The following PDE10A variants were observed in gnomAD, a reference collection of about 807,000 sequenced individuals.
PDE10A encodes the protein phosphodiesterase 10A, also known as cAMP and cAMP-inhibited cGMP 3',5'-cyclic phosphodiesterase 10A.
Under a neutral mutation model 97.7 loss-of-function variants are expected in PDE10A, and 39 were observed. The ratio of observed to expected loss-of-function variants is 0.40; its 90% CI spans 0.31 to 0.52. The LOEUF is 0.52. Among genes scored for constraint, PDE10A ranks in the 20% least tolerant of loss-of-function variants. The probability of loss-of-function intolerance (pLI) is 0.56; values close to 1 mark genes in which losing one functional copy is unlikely to be tolerated. For synonymous variants in PDE10A, 371 were observed against 376.8 expected, an observed-to-expected ratio of 0.98 and a Z score of 0.18; for missense variants, 731 against 1,047.8, an observed-to-expected ratio of 0.70 and a Z score of 4.17.
chr6:165,721,144 A>G (rs1278096665), intron 1 of PDE10A, among the ~76,000 whole-genome samples: 1 of 152,216 alleles, frequency 6.6e-6, no homozygotes, highest in Non-Finnish European at 1.5e-5. Context: ...TGGTATTCAA[A>G]AGATAAAATG....
At chr6:165,951,772 G>A (rs908493087) in intron 1 of PDE10A, among the ~76,000 whole-genome samples, 3 of 152,028 alleles carry the variant, frequency 2.0e-5, no homozygotes, top group African/African-American at 7.3e-5. Flanking sequence ...ATCCAGGTGC[G>A]GGCACATCTT....
At chr6:165,460,025 C>A (rs1778226698) in intron 3 of PDE10A, among the ~76,000 whole-genome samples, 1 of 152,240 alleles carries the variant, frequency 6.6e-6, no homozygotes, top group Non-Finnish European at 1.5e-5. Context: ...TGGGAAATGC[C>A]ATGAGGGACC....
chr6:165,642,448 C>T (rs1482939176), intron 1 of PDE10A, among the ~76,000 whole-genome samples: 1 of 152,122 alleles, frequency 6.6e-6, no homozygotes, highest in Non-Finnish European at 1.5e-5. Context: ...GCCACATTAA[C>T]GTGGAATTAA....
chr6:165,554,669 C>T (rs926453646), intron 1 of PDE10A, among the ~76,000 whole-genome samples: 2 of 152,212 alleles, frequency 1.3e-5, no homozygotes, highest in African/African-American at 4.8e-5. Flanking sequence ...TGGGTATATA[C>T]CCAAAAGAAA....
At chr6:165,668,974 C>T (rs2128435596) in intron 1 of PDE10A, among the ~76,000 whole-genome samples, 1 of 152,296 alleles carries the variant, frequency 6.6e-6, no homozygotes, top group Non-Finnish European at 1.5e-5. Context: ...AGGGATCAGG[C>T]CTCCTCAGCC....
At chr6:165,461,739 T>C (rs1387325699) in intron 3 of PDE10A, among the ~76,000 whole-genome samples, 1 of 152,260 alleles carries the variant, frequency 6.6e-6, no homozygotes, top group African/African-American at 2.4e-5. Flanking sequence ...ACCTAGTTGC[T>C]AATGCAATAT....
intron 5 of PDE10A, among the ~76,000 whole-genome samples, chr6:165,441,333 T>G (rs1267190256): frequency 6.6e-6 from 1 of 152,232 alleles, no homozygotes; most frequent in Admixed American, 6.5e-5. Context: ...TCTCCCCTAC[T>G]GCTTATACAT....
At chr6:165,886,109 TA>T (rs1171067425) in intron 1 of PDE10A, among the ~76,000 whole-genome samples, 1 of 152,208 alleles carries the variant, frequency 6.6e-6, no homozygotes, top group Non-Finnish European at 1.5e-5. Context: ...CAAAACATTC[TA>T]AAAATGTTAG....
intron 1 of PDE10A, among the ~76,000 whole-genome samples, chr6:165,595,643 A>T (rs1261313484): frequency 6.6e-6 from 1 of 152,196 alleles, no homozygotes; most frequent in Non-Finnish European, 1.5e-5. Flanking sequence ...GGCTGTAACA[A>T]AACACCTTAG....
At chr6:165,611,886 G>T (rs1271820600) in intron 1 of PDE10A, among the ~76,000 whole-genome samples, 3 of 152,198 alleles carry the variant, frequency 2.0e-5, no homozygotes, top group African/African-American at 7.2e-5. Flanking sequence ...AATTTGAAAA[G>T]TATACTGTCA....
At chr6:165,465,288 A>G (rs73245701) in intron 3 of PDE10A, among the ~76,000 whole-genome samples, 1,659 of 152,354 alleles carry the variant, frequency 0.011, 24 homozygotes, top group African/African-American at 0.038. Context: ...GCTTGGGGGT[A>G]ACACAGAGGA....
intron 1 of PDE10A, among the ~76,000 whole-genome samples, chr6:165,614,920 A>G (rs1346642357): frequency 6.6e-6 from 1 of 152,130 alleles, no homozygotes; most frequent in Non-Finnish European, 1.5e-5. Context: ...ATAGAAATAC[A>G]TGTAAAATAG....
intron 1 of PDE10A, among the ~76,000 whole-genome samples, chr6:165,559,464 T>A (rs2128336515): frequency 6.6e-6 from 1 of 152,316 alleles, no homozygotes; most frequent in African/African-American, 2.4e-5. Context: ...TAAAAGAAAA[T>A]TACATACTGT....
chr6:165,661,989 C>T lies in PDE10A; in HGVS notation c.823G>A (p.Ala275Thr). Residue 275 changes from alanine to threonine, a missense_variant, in exon 1 of 22, where the codon GCG (alanine) becomes ACG (threonine). Ala to Thr is a moderately conservative substitution (Grantham distance 58, BLOSUM62 0). Transcript: ENST00000539869. This position sits in a 1 kb window ranked among gnomAD's most constrained non-coding sequence, Gnocchi z 4.8. ...SDMEDGPSNNASCFRRLTECF... is the reference protein window; with the variant it reads ...SDMEDGPSNNTSCFRRLTECF... ...TCGGTCAGCCTTCGGAAGCAGCTCGCATTATTAGAAGGTCCATCTTCCATG... is the reference window on the plus strand; with the variant it reads ...TCGGTCAGCCTTCGGAAGCAGCTCGTATTATTAGAAGGTCCATCTTCCATG... 7.3e-7 allele frequency: 1 copy of T among 1,372,540 alleles called. No individual in the cohort carries two copies. Among genetic ancestry groups the T allele is most frequent in the South Asian group, 1.3e-5 (1 of 78,846 alleles). The allele number at this position is 1,372,540 out of a possible 1,614,324, so 85.0% of individuals were successfully genotyped here.
Position 165,375,265 on chromosome 6 carries a change from G to A in PDE10A, c.2783+3929C>T, listed in dbSNP as rs1784544226. ...AAAGCAAGGACTCTTGGGCCAAACA[G>A]CCAAGTTGTGAATGGAAAGAAAAAA... On this transcript the variant is annotated intron_variant, in intron 18 of 21. Coordinates refer to ENST00000539869, the MANE Select transcript of PDE10A (RefSeq NM_001385079.1). 2.0e-5 allele frequency among the ~76,000 whole-genome samples: 3 copies of A among 152,162 alleles called. No homozygotes were observed. In the South Asian group the frequency reaches 6.2e-4, roughly 31 times the overall value.
chr6:165,509,673 C>T (rs895767946), intron 2 of PDE10A, among the ~76,000 whole-genome samples: 1 of 151,566 alleles, frequency 6.6e-6, no homozygotes, highest in African/African-American at 2.4e-5. Flanking sequence ...ACAACATGCT[C>T]ATTTTATTAA....
At chr6:165,788,628 T>A (rs1463301432) in intron 1 of PDE10A, among the ~76,000 whole-genome samples, 4 of 151,962 alleles carry the variant, frequency 2.6e-5, no homozygotes, top group Admixed American at 1.3e-4. Flanking sequence ...TTTCAGGGGA[T>A]ATTTAATCTA....
At chr6:165,407,805 T>G (rs748979787) in intron 13 of PDE10A, among the ~76,000 whole-genome samples, 2 of 152,260 alleles carry the variant, frequency 1.3e-5, no homozygotes, top group Non-Finnish European at 2.9e-5. Context: ...TTAAATGGTT[T>G]CTTTAAAATC....
At chr6:165,742,930 T>C (rs75857391) in intron 1 of PDE10A, among the ~76,000 whole-genome samples, 1,789 of 152,292 alleles carry the variant, frequency 0.012, 17 homozygotes, top group Non-Finnish European at 0.015. Context: ...CTTGCAGCAC[T>C]TGCTCAACTG....
Sources: gnomAD v4.1 joint callset for allele counts (sites outside exome capture counted in the v4.1 genomes callset) on GRCh38, gnomAD v4.1.1 for gene constraint, Gnocchi (gnomAD v3.1) non-coding constraint, MANE v1.5 for transcripts, NCBI Gene and HGNC (gene_info 2026-07-23, HGNC 2026-07-21) for gene names.